Variants in TSEN2 observed in about 807,000 individuals in gnomAD.
TSEN2 encodes tRNA-splicing endonuclease subunit Sen2.
TSEN2 carries 54 observed loss-of-function variants against 59.2 expected under a neutral mutation model. The observed-to-expected ratio is 0.91, with a 90% CI of 0.73 to 1.14. The LOEUF is 1.14. Among genes scored for constraint, TSEN2 ranks in the 50% most tolerant of loss-of-function variants. The pLI, the probability that TSEN2 is intolerant of heterozygous loss-of-function variation, is 0.00. For missense variants in TSEN2, 636 were observed against 576.2 expected (o/e 1.10, Z -1.06); for synonymous variants, 195 against 198.2 (o/e 0.98, Z 0.14).
intron 6 of TSEN2, among the ~76,000 whole-genome samples, chr3:12,505,896 T>G (rs1575326190): frequency 6.7e-6 from 1 of 149,546 alleles, no homozygotes; most frequent in South Asian, 2.1e-4. Flanking sequence ...GCCCAGGAGG[T>G]CACGTCTGCA....
At chr3:12,521,966 G>A (rs796175) in intron 8 of TSEN2, among the ~76,000 whole-genome samples, 74,054 of 151,556 alleles carry the variant, frequency 0.49, 18,961 homozygotes, top group African/African-American at 0.61. Flanking sequence ...AGCCGATTGC[G>A]CTACTGCACT....
At chr3:12,531,819 C>T (rs1316799850) in intron 11 of TSEN2, among the ~76,000 whole-genome samples, 160 bp downstream of exon 11, 1 of 152,166 alleles carries the variant, frequency 6.6e-6, no homozygotes, top group African/African-American at 2.4e-5. Flanking sequence ...CCCATTGAAC[C>T]CATTGGACAC....
chr3:12,506,143 TAA>T (rs1236415225), intron 6 of TSEN2, among the ~76,000 whole-genome samples: 1 of 144,880 alleles, frequency 6.9e-6, no homozygotes, highest in Admixed American at 6.7e-5. Context: ...TTTATCCACT[TAA>T]AGAGTACAAG....
chr3:12,503,729 T>A lies in TSEN2; in HGVS notation c.776T>A (p.Leu259Gln), dbSNP rs1188318466. Residue 259 changes from leucine (L) to glutamine (Q), a missense_variant, in exon 5 of 12, where the codon CTG becomes CAG. Leu to Gln is a moderately radical substitution (Grantham distance 113, BLOSUM62 -2). Transcript: ENST00000284995. ...AGAGGGCCTGACCATGAGTACGTGCTGGTCGAGGAAGCGGAGTGTGCCATG... is the reference window on the plus strand; with the variant it reads ...AGAGGGCCTGACCATGAGTACGTGCAGGTCGAGGAAGCGGAGTGTGCCATG... ...GDRGPDHEYVLVEEAECAMSE... is the reference protein window; with the variant it reads ...GDRGPDHEYVQVEEAECAMSE... 1.9e-6 allele frequency: 3 copies of A among 1,614,016 alleles called. No homozygotes were observed. The African/African-American group carries it at 4.0e-5, about 22-fold the overall frequency.
At chr3:12,496,101 C>T (rs1232295588) in intron 3 of TSEN2, among the ~76,000 whole-genome samples, 1 of 152,228 alleles carries the variant, frequency 6.6e-6, no homozygotes, top group Non-Finnish European at 1.5e-5. Context: ...GTTCACTTTT[C>T]CAGCACTTTT....
intron 3 of TSEN2, among the ~76,000 whole-genome samples, chr3:12,493,602 C>G (rs1462208083): frequency 6.6e-6 from 1 of 152,168 alleles, no homozygotes; most frequent in Non-Finnish European, 1.5e-5. Flanking sequence ...TGCTGTGCAC[C>G]TGTAATCCCA....
At chr3:12,514,909 C>T (rs2055897100) in intron 6 of TSEN2, 1 of 152,126 alleles carries the variant, frequency 6.6e-6, no homozygotes, top group South Asian at 2.1e-4. Context: ...GAAGAGGCTT[C>T]GTTTTTCATT....
intron 6 of TSEN2, among the ~76,000 whole-genome samples, chr3:12,507,604 A>G (rs984389830): frequency 6.6e-6 from 1 of 152,196 alleles, no homozygotes; most frequent in Admixed American, 6.5e-5. Flanking sequence ...AAAAATGCCC[A>G]TTGGGTACCT....
intron 3 of TSEN2, among the ~76,000 whole-genome samples, chr3:12,493,922 C>T (rs1480221585): frequency 2.6e-5 from 4 of 152,210 alleles, no homozygotes; most frequent in African/African-American, 9.6e-5. Flanking sequence ...ATGCAGATTT[C>T]CCTGGTGTTT....
chr3:12,505,522 C>T (rs951128841), intron 6 of TSEN2: 28 of 340,882 alleles, frequency 8.2e-5, no homozygotes, highest in Non-Finnish European at 1.4e-4. Flanking sequence ...GGTGCGGGGG[C>T]TCACACCTGT....
intron 6 of TSEN2, among the ~76,000 whole-genome samples, chr3:12,509,285 C>T (rs1005711009): frequency 6.6e-6 from 1 of 151,586 alleles, no homozygotes; most frequent in Non-Finnish European, 1.5e-5. Flanking sequence ...ACTGCAACGT[C>T]TGCCTCCCGG....
In TSEN2 at chr3:12,503,136, A is replaced by G. The variant is rs1278375758; in HGVS notation, c.309-126A>G. On this transcript the variant is annotated intron_variant, in intron 4 of 11. Transcript: ENST00000284995. ...TAAAGAAGAAAAATATTTATCTATAATGCACCATTCAATAATACTGCTGTA... is the reference window on the plus strand; with the variant it reads ...TAAAGAAGAAAAATATTTATCTATAGTGCACCATTCAATAATACTGCTGTA... 8 of 989,340 alleles carry G rather than the reference A, an allele frequency of 8.1e-6. No individual in the cohort carries two copies. In the East Asian group the frequency reaches 9.9e-5, roughly 12 times the overall value. The allele number at this position is 989,340 out of a possible 1,614,324, so 61.3% of individuals were successfully genotyped here. A position where few individuals can be genotyped will look rare whatever the true frequency, so the allele number is the denominator to read the frequency against.
Position 12,489,767 on chromosome 3 carries a change from T to G in TSEN2, c.-17-17T>G. The G allele has an allele frequency of 6.2e-7, 1 of 1,603,696 alleles. No individual in the cohort carries two copies. Among genetic ancestry groups the G allele is most frequent in the Non-Finnish European group, 8.5e-7 (1 of 1,175,834 alleles). ...TTGATTGTCTGTTTCTTTCTGTTTG[T>G]TGTCTACTCTTTAAAGAATACCTCC... On this transcript the variant is annotated splice_polypyrimidine_tract_variant and intron_variant, in intron 1 of 11. Coordinates refer to ENST00000284995, the MANE Select transcript of TSEN2 (RefSeq NM_025265.4).
rs532201891 is a variant in TSEN2 at position 12,524,561 on chromosome 3, G to A, written c.1100-4327G>A. On this transcript the variant is annotated intron_variant, in intron 8 of 11. Transcript: ENST00000284995. ...TAAGGACACTTGACATTAGATTTAGGGGCCATCCAGCTAATTCAGGATGAT... is the reference window on the plus strand; with the variant it reads ...TAAGGACACTTGACATTAGATTTAGAGGCCATCCAGCTAATTCAGGATGAT... Among the ~76,000 whole-genome samples the A allele has an allele frequency of 2.0e-5, 3 of 152,026 alleles. No homozygotes were observed. In the South Asian group the frequency reaches 6.2e-4, roughly 32 times the overall value.
chr3:12,501,223 T>A (rs1184033462), intron 4 of TSEN2, among the ~76,000 whole-genome samples: 1 of 152,212 alleles, frequency 6.6e-6, no homozygotes, highest in African/African-American at 2.4e-5. Flanking sequence ...AAGTAATACA[T>A]AACAAGATCC....
intron 7 of TSEN2, among the ~76,000 whole-genome samples, chr3:12,518,462 C>T (rs115686313): frequency 2.0e-5 from 3 of 152,248 alleles, no homozygotes; most frequent in Middle Eastern, 3.4e-3. Flanking sequence ...ACCACCACCC[C>T]CTCCAGTCCT....
Position 12,516,444 on chromosome 3 carries a change from ATATG to A in TSEN2, c.910-165_910-162del, listed in dbSNP as rs1164234266. The stretch of plus-strand genomic sequence containing the variant: ...CGTTTCAAAAACAAACAAACAAAAT[ATATG>A]TGTGTGTGTGTGTGTGTGTGTGTGT... On this transcript the variant is annotated intron_variant, in intron 6 of 11. Transcript: ENST00000284995. Among the ~76,000 whole-genome samples, 91 of 51,632 alleles carry A rather than the reference ATATG, an allele frequency of 1.8e-3. 2 individuals are homozygous for A. The highest frequency in any genetic ancestry group is 6.6e-3 in the African/African-American group (77 of 11,590). The allele number at this position is 51,632 out of a possible 152,430, so 33.9% of individuals were successfully genotyped here.
chr3:12,517,060 A>G (rs998783156), intron 7 of TSEN2, among the ~76,000 whole-genome samples: 5 of 152,190 alleles, frequency 3.3e-5, no homozygotes, highest in African/African-American at 1.2e-4. Flanking sequence ...GAATTTGCAG[A>G]TAAGGGGCCG....
At chr3:12,528,839 C>T (rs748018343) in intron 8 of TSEN2, 49 bp from the exon 9 acceptor site, 2 of 1,602,738 alleles carry the variant, frequency 1.2e-6, no homozygotes, top group Non-Finnish European at 1.7e-6. Flanking sequence ...TTACTCCTCT[C>T]TCATTATTTT....
Sources: gnomAD v4.1 joint callset for allele counts (sites outside exome capture counted in the v4.1 genomes callset) on GRCh38, gnomAD v4.1.1 for gene constraint, MANE v1.5 for transcripts, NCBI Gene and HGNC (gene_info 2026-07-23, HGNC 2026-07-21) for gene names.